GPI: variants seen among roughly 807,000 people sequenced by gnomAD.
GPI encodes the protein glucose-6-phosphate isomerase.
A neutral mutation model predicts 75.8 loss-of-function variants in GPI; 56 were observed. That is an observed-to-expected ratio of 0.74 (90% CI 0.60 to 0.92). The LOEUF (loss-of-function observed/expected upper bound fraction) is 0.92, where lower values mean the gene tolerates loss of function less well. Ranked by LOEUF, GPI falls within the 40% of genes least tolerant of loss-of-function variation. GPI has a pLI of 0.00. For missense variants in GPI, 638 were observed against 741.0 expected (o/e 0.86, Z 1.61); for synonymous variants, 288 against 285.4 (o/e 1.01, Z -0.09).
At chr19:34,365,173 G>A (rs2074336798), upstream of GPI, 1 of 1,267,296 alleles carries the variant, frequency 7.9e-7, no homozygotes, top group Non-Finnish European at 9.9e-7. Flanking sequence ...CGCCATAAAG[G>A]CCGCCGCGCG....
chr19:34,363,230 TG>T (rs2145305258), upstream of GPI: 1 of 151,902 alleles, frequency 6.6e-6, no homozygotes, highest in Non-Finnish European at 1.5e-5. Flanking sequence ...CGCTTGAGCC[TG>T]GGAGGCAGAG....
rs539886121 is a variant in GPI, at chr19:34,369,370, G to A, written c.402+668G>A. Among the ~76,000 whole-genome samples the A allele has an allele frequency of 1.1e-4, 16 of 151,970 alleles. 1 individual carries two copies. The South Asian group carries it at 3.3e-3, about 32-fold the overall frequency. On this transcript the variant is annotated intron_variant, in intron 4 of 17. Transcript: ENST00000356487. ...CTTTTTCTAATCTCTTTTGTCATAC[G>A]CCCTTATCACCCAGTCTAGAAACAG...
intron 9 of GPI, among the ~76,000 whole-genome samples, chr19:34,388,202 C>T (rs185332925): frequency 1.3e-5 from 2 of 152,302 alleles, no homozygotes; most frequent in East Asian, 1.9e-4. Context: ...AGTTGCCAGG[C>T]GCAGTGGCTC....
chr19:34,395,582 G>C (rs2074931905), intron 12 of GPI, among the ~76,000 whole-genome samples: 1 of 152,158 alleles, frequency 6.6e-6, no homozygotes, highest in Non-Finnish European at 1.5e-5. Context: ...ACCCCAGCCT[G>C]CTCTCCCTTA....
intron 4 of GPI, among the ~76,000 whole-genome samples, chr19:34,375,566 C>G (rs150479768): frequency 1.8e-4 from 27 of 152,160 alleles, no homozygotes; most frequent in African/African-American, 6.3e-4. Context: ...TGTTGGCCAG[C>G]GCCCCAGTTA....
rs376016521 is a variant in GPI, at chr19:34,377,513, G to A, written c.413G>A (p.Ser138Asn). ...TCGCCCCTGTGCCAGCGTGTCCGGA[G>A]CGGTGACTGGAAGGGGTACACAGGC... ...KMKSFCQRVR[S>N]GDWKGYTGKT... is the part of the protein sequence containing the mutation. Residue 138 changes from serine (S) to asparagine (N), a missense_variant, in exon 5 of 18, where the codon AGC becomes AAC. By Grantham distance (46) the Ser-to-Asn change is conservative (BLOSUM62 1). Transcript: ENST00000356487. 53 of 1,612,168 alleles carry A rather than the reference G, an allele frequency of 3.3e-5. No homozygotes were observed. The highest frequency in any genetic ancestry group is 3.9e-5 in the Non-Finnish European group (46 of 1,178,970).
intron 4 of GPI, among the ~76,000 whole-genome samples, chr19:34,369,027 G>A (rs1395532943): frequency 1.3e-5 from 2 of 152,028 alleles, no homozygotes; most frequent in Non-Finnish European, 2.9e-5. Flanking sequence ...AGGACAGTCA[G>A]GAAAGGAAGG....
chr19:34,377,861 C>T lies in GPI; in HGVS notation c.613C>T (p.Leu205=). The change falls in exon 6 of 18, where the codon CTG becomes TTG. Residue 205 remains leucine, a synonymous_variant. Transcript: ENST00000356487. ...GGCCCAGCTGAACCCCGAGTCCTCC[C>T]TGTTCATCATTGCCTCCAAGGTATG... The part of the protein sequence containing the change: ...TLAQLNPESS[L]FIIASKTFTT... 6.2e-7 allele frequency: 1 copy of T among 1,614,156 alleles called. No individual in the cohort carries two copies. The highest frequency in any genetic ancestry group is 8.5e-7 in the Non-Finnish European group (1 of 1,180,008).
At chr19:34,362,482 G>C (rs2074306586), upstream of GPI, among the ~76,000 whole-genome samples, 1 of 152,132 alleles carries the variant, frequency 6.6e-6, no homozygotes, top group African/African-American at 2.4e-5. Flanking sequence ...CTCACCTCCT[G>C]CCTCTTTCGC....
chr19:34,390,847 G>A (rs1599845270), intron 9 of GPI, among the ~76,000 whole-genome samples: 3 of 147,424 alleles, frequency 2.0e-5, no homozygotes, highest in South Asian at 4.4e-4. Context: ...TGAGGAGGTA[G>A]CACCTGGCAC....
upstream of GPI, among the ~76,000 whole-genome samples, chr19:34,360,548 T>C (rs117549426): frequency 2.2e-3 from 338 of 152,208 alleles, 2 homozygotes; most frequent in Non-Finnish European, 3.6e-3. Context: ...CAGTGAGCTA[T>C]GGTCATGCCA....
chr19:34,393,128 G>A lies in GPI; in HGVS notation c.805-120G>A, dbSNP rs910238018. The A allele has an allele frequency of 2.6e-6, 2 of 782,068 alleles. No homozygotes were observed. The highest frequency in any genetic ancestry group is 3.4e-5 in the African/African-American group (2 of 59,078). 48.4% of individuals were successfully genotyped at this position (782,068 alleles called of 1,614,324 possible). On this transcript the variant is annotated intron_variant, in intron 9 of 17. Transcript: ENST00000356487. The surrounding 1 kb of genome is among the most constrained non-coding windows in gnomAD (Gnocchi z 4.4). ...CTGCCTGCTGCCTTGCTTCCTGGAGGTGGGTTGGGCCAGGGCCCTCCGAGA... is the reference window on the plus strand; with the variant it reads ...CTGCCTGCTGCCTTGCTTCCTGGAGATGGGTTGGGCCAGGGCCCTCCGAGA...
In GPI at chr19:34,396,614, C is replaced by T. The variant is rs1375530592; in HGVS notation, c.1226C>T (p.Pro409Leu). Residue 409 changes from proline to leucine, a missense_variant, in exon 14 of 18, where the codon CCG (proline) becomes CTG (leucine). Pro to Leu is a moderately conservative substitution (Grantham distance 98). Coordinates refer to ENST00000356487, the MANE Select transcript of GPI (RefSeq NM_000175.5). ...TKMIPCDFLIPVQTQHPIRKG... is the reference protein window; with the variant it reads ...TKMIPCDFLILVQTQHPIRKG... ...ATGATACCCTGTGACTTCCTCATCC[C>T]GGTCCAGACCCAGCACCCCATACGG... is the stretch of plus-strand genomic sequence containing the variant. The T allele has an allele frequency of 4.3e-6, 7 of 1,614,098 alleles. No individual in the cohort carries two copies. In the African/African-American group the frequency reaches 5.3e-5, roughly 12 times the overall value.
chr19:34,377,854 G>A lies in GPI; in HGVS notation c.606G>A (p.Glu202=). ...AAACCCTGGCCCAGCTGAACCCCGA[G>A]TCCTCCCTGTTCATCATTGCCTCCA... ...IAKTLAQLNP[E]SSLFIIASKT... is the part of the protein sequence containing the mutation. The change falls in exon 6 of 18, where the codon GAG becomes GAA. Residue 202 remains glutamate, a synonymous_variant. Transcript: ENST00000356487. The A allele has an allele frequency of 1.2e-6, 2 of 1,614,112 alleles. No homozygotes were observed. The highest frequency in any genetic ancestry group is 1.7e-6 in the Non-Finnish European group (2 of 1,180,004).
Position 34,400,878 on chromosome 19 carries a change from A to T in GPI, c.*842A>T, listed in dbSNP as rs2075012400. ...TAGCTGGGATTACACGGCGCACACC[A>T]CCATACCCAGCTAATTTTTGTATTT... On this transcript the variant is annotated 3_prime_UTR_variant, in exon 18 of 18. Transcript: ENST00000356487. 3.1e-6 allele frequency: 1 copy of T among 324,922 alleles called. No homozygotes were observed. Among genetic ancestry groups the T allele is most frequent in the African/African-American group, 2.2e-5 (1 of 46,060 alleles). The allele number at this position is 324,922 out of a possible 1,614,324, so 20.1% of individuals were successfully genotyped here.
At chr19:34,392,052 GGTACAGGTGTGAGGA>G in intron 9 of GPI, 3 of 173,950 alleles carry the variant, frequency 1.7e-5, no homozygotes, top group Non-Finnish European at 3.5e-5. Flanking sequence ...GGTAGGATCT[GGTACAGGTGTGAGGA>G]TCTGGGTCTG....
At chr19:34,377,922 T>G (rs867862008) in intron 6 of GPI, 41 bp downstream of exon 6, 1 of 1,609,914 alleles carries the variant, frequency 6.2e-7, no homozygotes, top group South Asian at 1.1e-5. Context: ...GCCCTGTGTG[T>G]GTTGGGGTGG....
chr19:34,376,631 T>A (rs1399972413), intron 4 of GPI, among the ~76,000 whole-genome samples: 1 of 151,972 alleles, frequency 6.6e-6, no homozygotes, highest in African/African-American at 2.4e-5. Flanking sequence ...TCTTCCTCTG[T>A]CACCTAGGCT....
In GPI at chr19:34,399,337, T is replaced by C. The variant is rs1599860622; in HGVS notation, c.1398+2T>C. 1.2e-6 allele frequency: 2 copies of C among 1,613,864 alleles called. No individual in the cohort carries two copies. The highest frequency in any genetic ancestry group is 1.1e-5 in the South Asian group (1 of 91,044). Reference sequence around the variant, plus strand: ...CTTGAGAGGCTGCTGCCACATAAGGTCAGCACTTCTGCATTTGGCTTTGGG... The same window carrying C: ...CTTGAGAGGCTGCTGCCACATAAGGCCAGCACTTCTGCATTTGGCTTTGGG... On this transcript the variant is annotated splice_donor_variant, in intron 15 of 17. Coordinates refer to ENST00000356487, the MANE Select transcript of GPI (RefSeq NM_000175.5). LOFTEE classifies it high-confidence loss of function.
Sources: allele counts gnomAD v4.1 joint callset (sites outside exome capture counted in the v4.1 genomes callset), GRCh38; gene constraint gnomAD v4.1.1; non-coding constraint Gnocchi (gnomAD v3.1); transcripts MANE v1.5; gene names NCBI Gene and HGNC (gene_info 2026-07-23, HGNC 2026-07-21).